THADA: variants seen among roughly 807,000 people sequenced by gnomAD.
THADA encodes the protein tRNA (32-2'-O)-methyltransferase regulator THADA.
A neutral mutation model predicts 219.8 loss-of-function variants in THADA; 213 were observed. The observed-to-expected ratio is 0.97, with a 90% CI of 0.87 to 1.09. The LOEUF is 1.09. Among genes scored for constraint, THADA ranks in the 50% least tolerant of loss-of-function variants. The pLI is 0.00. For synonymous variants in THADA, 1,018 were observed against 828.9 expected, an observed-to-expected ratio of 1.23 and a Z score of -3.92; for missense variants, 2,956 against 2,311.3, an observed-to-expected ratio of 1.28 and a Z score of -5.72.
intron 29 of THADA, chr2:43,370,342 A>T (rs1377044530): frequency 6.6e-6 from 1 of 152,208 alleles, no homozygotes; most frequent in Non-Finnish European, 1.5e-5. Context: ...TCTTTCCACC[A>T]TCATGCTGGA....
At chr2:43,371,021 A>G (rs78681698) in intron 29 of THADA, among the ~76,000 whole-genome samples, 12,068 of 152,310 alleles carry the variant, frequency 0.079, 556 homozygotes, top group Non-Finnish European at 0.098. Context: ...ATTAATGAAT[A>G]TTACATTTCT....
intron 16 of THADA, among the ~76,000 whole-genome samples, chr2:43,558,532 C>A (rs182712261): frequency 1.3e-5 from 2 of 152,274 alleles, no homozygotes; most frequent in East Asian, 1.9e-4. Flanking sequence ...TAATCAGATG[C>A]CAGTGCAGCA....
intron 15 of THADA, chr2:43,565,415 G>C (rs1375004122): frequency 7.1e-6 from 1 of 141,028 alleles, no homozygotes; most frequent in African/African-American, 2.7e-5. Context: ...CTGGGCAACA[G>C]AGCGAGACTC....
chr2:43,582,284 G>A (rs1700541415), intron 7 of THADA, among the ~76,000 whole-genome samples: 1 of 152,102 alleles, frequency 6.6e-6, no homozygotes, highest in Non-Finnish European at 1.5e-5. Context: ...ATCATTTGAG[G>A]TCTGGAGTTT....
intron 24 of THADA, among the ~76,000 whole-genome samples, chr2:43,499,357 T>G (rs1484333876): frequency 6.6e-6 from 1 of 152,004 alleles, no homozygotes; most frequent in South Asian, 2.1e-4. Flanking sequence ...TAAGAAACTT[T>G]AAAAAAAACT....
intron 15 of THADA, chr2:43,563,774 G>T (rs1368973598): frequency 6.6e-6 from 1 of 152,072 alleles, no homozygotes; most frequent in Non-Finnish European, 1.5e-5. Flanking sequence ...TCTCAAATCA[G>T]TCCTACCACT....
At chr2:43,537,872 T>A (rs979609572) in intron 21 of THADA, among the ~76,000 whole-genome samples, 6 of 149,728 alleles carry the variant, frequency 4.0e-5, no homozygotes, top group African/African-American at 1.5e-4. Flanking sequence ...CCCAGGAGGT[T>A]GAGGCTGAAG....
At chr2:43,356,395 A>G (rs945539307) in intron 29 of THADA, among the ~76,000 whole-genome samples, 10 of 152,190 alleles carry the variant, frequency 6.6e-5, no homozygotes, top group African/African-American at 2.4e-4. Flanking sequence ...TTAAAAGAAT[A>G]AACAAAAAGC....
chr2:43,415,149 T>C (rs1676778254), intron 28 of THADA, among the ~76,000 whole-genome samples: 2 of 152,220 alleles, frequency 1.3e-5, no homozygotes, highest in African/African-American at 2.4e-5. Context: ...ATGGCATAAA[T>C]GACTACTAAT....
chr2:43,532,093 T>G (rs894893647), intron 21 of THADA, among the ~76,000 whole-genome samples: 5 of 150,194 alleles, frequency 3.3e-5, no homozygotes, highest in Admixed American at 1.3e-4. Flanking sequence ...CACACTAAAA[T>G]AAGAAGAAAT....
At chr2:43,496,954 G>A (rs1573940262) in intron 25 of THADA, among the ~76,000 whole-genome samples, 1 of 152,254 alleles carries the variant, frequency 6.6e-6, no homozygotes, top group Admixed American at 6.5e-5. Context: ...CATCACTGAT[G>A]ATTAGAGAAA....
chr2:43,470,207 C>CAAAAAAA (rs67659070), intron 26 of THADA, among the ~76,000 whole-genome samples: 1 of 80,692 alleles, frequency 1.2e-5, no homozygotes. Flanking sequence ...GACCTTGTCT[C>CAAAAAAA]AAAAAAAAAA....
At position 43,477,112 on chromosome 2, in the gene THADA, G is replaced by C. The variant is rs1411001026; in HGVS notation, c.3836+8122C>G. On this transcript the variant is annotated intron_variant, in intron 26 of 37. Transcript: ENST00000405975. ...GCCAAGATATATCTCAAATATATAT[G>C]TCTTTCTCACAGTAGATATATCTAC... 2.6e-5 allele frequency among the ~76,000 whole-genome samples: 4 copies of C among 152,122 alleles called. No individual in the cohort carries two copies. In the East Asian group the frequency reaches 7.7e-4, roughly 29 times the overall value.
intron 36 of THADA, among the ~76,000 whole-genome samples, chr2:43,268,902 AG>A (rs1219963495): frequency 6.6e-6 from 1 of 152,152 alleles, no homozygotes; most frequent in African/African-American, 2.4e-5. Flanking sequence ...CTGGGGCTGG[AG>A]GAGTCATCCT....
At chr2:43,245,268 G>T (rs1350270558) in intron 36 of THADA, among the ~76,000 whole-genome samples, 1 of 146,204 alleles carries the variant, frequency 6.8e-6, no homozygotes, top group African/African-American at 2.6e-5. Flanking sequence ...TGCCTTGTGG[G>T]TTCCAGCGAT....
intron 26 of THADA, among the ~76,000 whole-genome samples, chr2:43,434,503 C>T (rs1482727762): frequency 2.6e-5 from 4 of 152,208 alleles, no homozygotes; most frequent in Admixed American, 2.6e-4. Context: ...CCCTAGCACG[C>T]AGGCACACAA....
At chr2:43,475,465 C>G (rs954303857) in intron 26 of THADA, among the ~76,000 whole-genome samples, 1 of 146,362 alleles carries the variant, frequency 6.8e-6, no homozygotes, top group African/African-American at 2.5e-5. Context: ...GACTATTTGA[C>G]TTCACATTAT....
intron 7 of THADA, among the ~76,000 whole-genome samples, chr2:43,583,821 CTGCTTGCGCTT>C (rs1700718403): frequency 2.0e-5 from 3 of 151,972 alleles, no homozygotes; most frequent in African/African-American, 7.2e-5. Flanking sequence ...GGCAGGGGGA[CTGCTTGCGCTT>C]AAGAGTTTGA....
intron 31 of THADA, among the ~76,000 whole-genome samples, chr2:43,316,757 G>A (rs1251330090): frequency 6.6e-6 from 1 of 152,044 alleles, no homozygotes; most frequent in South Asian, 2.1e-4. Context: ...GAGAAACCCC[G>A]TCTCCACTAA....
Sources: gnomAD v4.1 joint callset for allele counts (sites outside exome capture counted in the v4.1 genomes callset) on GRCh38, gnomAD v4.1.1 for gene constraint, MANE v1.5 for transcripts, NCBI Gene and HGNC (gene_info 2026-07-23, HGNC 2026-07-21) for gene names.